GGT1: variants seen among roughly 807,000 people sequenced by gnomAD.
The protein encoded by GGT1 is glutathione hydrolase 1 proenzyme.
GGT1 carries 21 observed loss-of-function variants against 56.0 expected under a neutral mutation model. The ratio of observed to expected loss-of-function variants is 0.38; its 90% CI spans 0.27 to 0.54. The LOEUF is 0.54. GGT1 is among the 20% of genes least tolerant of loss of function. The pLI is 0.82. For missense variants in GGT1, 466 were observed against 787.0 expected (o/e 0.59, Z 4.88); for synonymous variants, 238 against 342.6 (o/e 0.69, Z 3.37).
chr22:24,591,248 T>C (rs1021675995), upstream of GGT1, among the ~76,000 whole-genome samples: 1 of 152,180 alleles, frequency 6.6e-6, no homozygotes, highest in African/African-American at 2.4e-5. Flanking sequence ...CCCAGCTAAT[T>C]TTGTATTTTT....
In GGT1 at chr22:24,610,236, C is replaced by G. The variant is rs1404431542; in HGVS notation, c.-289-14C>G. ...TGGAAACAAATGTGTTACTGACAGC[C>G]TCTTTGCCTCCAGAGTTCAACTGGA... On this transcript the variant is annotated splice_polypyrimidine_tract_variant and intron_variant, in intron 3 of 15. Coordinates refer to ENST00000400382, the MANE Select transcript of GGT1 (RefSeq NM_001288833.2). 1.3e-5 allele frequency: 4 copies of G among 305,176 alleles called. No individual in the cohort carries two copies. The highest frequency in any genetic ancestry group is 9.2e-5 in the African/African-American group (4 of 43,290). 18.9% of individuals were successfully genotyped at this position (305,176 alleles called of 1,614,324 possible).
Position 24,620,618 on chromosome 22 carries a change from G to A in GGT1, c.575+98G>A, listed in dbSNP as rs1402477707. Reference sequence around the variant, plus strand: ...CAGTGGAGCAGCCCTCTGCCTTCAGGACCCTGTGCTGATAATGGGATGAGG... The same window carrying A: ...CAGTGGAGCAGCCCTCTGCCTTCAGAACCCTGTGCTGATAATGGGATGAGG... On this transcript the variant is annotated intron_variant, in intron 8 of 15. Transcript: ENST00000400382. The surrounding 1 kb of genome is among the most constrained non-coding windows in gnomAD (Gnocchi z 5.6). 29 of 1,584,338 alleles carry A rather than the reference G, an allele frequency of 1.8e-5. No individual in the cohort carries two copies. Among genetic ancestry groups the A allele is most frequent in the Non-Finnish European group, 2.4e-5 (28 of 1,166,206 alleles).
At position 24,626,225 on chromosome 22, in the gene GGT1, G is replaced by A. The variant is rs890654904; in HGVS notation, c.1021-1207G>A. On this transcript the variant is annotated intron_variant, in intron 11 of 15. Coordinates refer to ENST00000400382, the MANE Select transcript of GGT1 (RefSeq NM_001288833.2). ...GCCAGGATGGTCTCGATCTCCTGAC[G>A]TCGTGATCCGCCCTCCCAAAGTGCT... Among the ~76,000 whole-genome samples the A allele has an allele frequency of 5.6e-4, 83 of 148,188 alleles. 2 individuals are homozygous for A. The highest frequency in any genetic ancestry group is 2.0e-3 in the African/African-American group (79 of 38,548).
At chr22:24,624,375 T>C in intron 11 of GGT1, 1 of 985,414 alleles carries the variant, frequency 1.0e-6, no homozygotes, top group Non-Finnish European at 1.2e-6. Context: ...AGCTCCACAC[T>C]GGGTCCCTAT....
intron 1 of GGT1, among the ~76,000 whole-genome samples, chr22:24,606,182 C>T (rs1421377530): frequency 2.8e-5 from 4 of 143,576 alleles, no homozygotes; most frequent in African/African-American, 1.0e-4. Context: ...TACATGTGCA[C>T]AACGTACAGG....
chr22:24,601,608 C>T (rs1290934434), upstream of GGT1, among the ~76,000 whole-genome samples: 2 of 152,232 alleles, frequency 1.3e-5, no homozygotes, highest in Non-Finnish European at 1.5e-5. Flanking sequence ...TTGGAGGCCA[C>T]AGTGGGCCCA....
At position 24,628,073 on chromosome 22, in the gene GGT1, G is replaced by A. The variant is rs74279113; in HGVS notation, c.1337-8G>A. On this transcript the variant is annotated splice_polypyrimidine_tract_variant and splice_region_variant and intron_variant, in intron 13 of 15. Coordinates refer to ENST00000400382, the MANE Select transcript of GGT1 (RefSeq NM_001288833.2). The surrounding 1 kb of genome is among the most constrained non-coding windows in gnomAD (Gnocchi z 5.7). ...ACGGGCATCCCTGTCTTCTCCCATCGGCCGCAGGGAAGCAGCCGCTCTCGT... is the reference window on the plus strand; with the variant it reads ...ACGGGCATCCCTGTCTTCTCCCATCAGCCGCAGGGAAGCAGCCGCTCTCGT... 27 of 1,611,676 alleles carry A rather than the reference G, an allele frequency of 1.7e-5. No homozygotes were observed. The highest frequency in any genetic ancestry group is 2.2e-5 in the Non-Finnish European group (26 of 1,179,826).
intron 1 of GGT1, among the ~76,000 whole-genome samples, chr22:24,606,221 T>G (rs1412385464): frequency 2.0e-5 from 3 of 148,764 alleles, no homozygotes; most frequent in Non-Finnish European, 4.4e-5. Flanking sequence ...ATGTGCCATG[T>G]TGGTGTGCTG....
intron 11 of GGT1, 177 bp from the exon 12 acceptor site, chr22:24,627,255 A>G: frequency 4.6e-6 from 6 of 1,294,548 alleles, no homozygotes; most frequent in Non-Finnish European, 5.2e-6. Flanking sequence ...CGACAGAGAC[A>G]GGGAGTCAGA....
At chr22:24,586,497 C>T in the GGT1 span, 2 of 1,360,286 alleles carry the variant, frequency 1.5e-6, no homozygotes, top group East Asian at 2.3e-5. Flanking sequence ...GGGAACAGCC[C>T]AGGCCTACAG....
chr22:24,591,825 C>A (rs753488894), upstream of GGT1, among the ~76,000 whole-genome samples: 2 of 152,212 alleles, frequency 1.3e-5, no homozygotes, highest in Non-Finnish European at 2.9e-5. Context: ...CCAGACAGGG[C>A]CCCAGACCGC....
the GGT1 span, chr22:24,589,283 C>T: frequency 8.1e-7 from 1 of 1,240,514 alleles, no homozygotes. Context: ...GTGGAGGCTG[C>T]AGGTGGCAAA....
At chr22:24,619,586 A>G (rs1366377489) in intron 7 of GGT1, among the ~76,000 whole-genome samples, 2 of 151,578 alleles carry the variant, frequency 1.3e-5, no homozygotes, top group Non-Finnish European at 2.9e-5. Context: ...ACAAACAAAC[A>G]AAAACCCTTA....
At position 24,595,053 on chromosome 22, in the gene GGT1, T is replaced by C. The variant is rs148012788; in HGVS notation, c.-324+167T>C. ...GGGGAGAAAGGAGGGAATGGAGGGC[T>C]GAGCCTGGAGGCATGAAAGGGGCAA... is the stretch of plus-strand genomic sequence containing the variant. On this transcript the variant is annotated intron_variant, in intron 1 of 6. Transcript: ENST00000411974. Among the ~76,000 whole-genome samples the C allele has an allele frequency of 1.0e-3, 155 of 152,222 alleles. No homozygotes were observed. In the Middle Eastern group the frequency reaches 0.014, roughly 13 times the overall value.
the GGT1 span, chr22:24,585,632 G>A: frequency 1.8e-6 from 1 of 543,526 alleles, no homozygotes; most frequent in African/African-American, 1.9e-5. Context: ...CAGAAAAGCA[G>A]AGGCGGGTGT....
chr22:24,614,631 AG>A (rs1452422640), intron 5 of GGT1, 144 bp from the exon 6 acceptor site: 41 of 682,576 alleles, frequency 6.0e-5, no homozygotes, highest in Admixed American at 8.7e-5. Context: ...AAAAAAAAAA[AG>A]AAAGAAAGAA....
the GGT1 span, among the ~76,000 whole-genome samples, chr22:24,585,415 C>A: frequency 6.6e-6 from 1 of 152,304 alleles, no homozygotes; most frequent in Admixed American, 6.5e-5. Flanking sequence ...ATGTGAGGGC[C>A]CGCTCCCTGG....
At position 24,627,438 on chromosome 22, in the gene GGT1, C is replaced by G; in HGVS notation, c.1027C>G (p.Arg343Gly). Residue 343 changes from arginine (R) to glycine (G), a missense_variant, in exon 12 of 16, where the codon CGC (arginine) becomes GGC (glycine). Around this residue, in one of 2 missense-constraint regions of GGT1, gnomAD observed 456 missense variants for 716.7 expected, o/e 0.64. Coordinates refer to ENST00000400382, the MANE Select transcript of GGT1 (RefSeq NM_001288833.2). ...AGCTCTGGGGTCTCGGCAGGTGGTCCGCAACATGACCTCCGAGTTCTTCGC... is the reference window on the plus strand; with the variant it reads ...AGCTCTGGGGTCTCGGCAGGTGGTCGGCAACATGACCTCCGAGTTCTTCGC... ...PKFVDVTEVV[R>G]NMTSEFFAAQ... is the part of the protein sequence containing the mutation. 7.0e-7 allele frequency: 1 copy of G among 1,426,084 alleles called. No homozygotes were observed. The highest frequency in any genetic ancestry group is 9.4e-7 in the Non-Finnish European group (1 of 1,062,852). 88.3% of individuals were successfully genotyped at this position (1,426,084 alleles called of 1,614,324 possible). A position where few individuals can be genotyped will look rare whatever the true frequency, so the allele number is the denominator to read the frequency against.
chr22:24,592,902 C>A, upstream of GGT1: 1 of 1,280,242 alleles, frequency 7.8e-7, no homozygotes, highest in Non-Finnish European at 9.9e-7. Context: ...CGCGCTCCGG[C>A]CGCCGCTCGC....
Sources: gnomAD v4.1 joint callset for allele counts (sites outside exome capture counted in the v4.1 genomes callset) on GRCh38, gnomAD v4.1.1 for gene constraint, gnomAD v4.1.1 regional missense constraint, Gnocchi (gnomAD v3.1) non-coding constraint, MANE v1.5 for transcripts, NCBI Gene and HGNC (gene_info 2026-07-23, HGNC 2026-07-21) for gene names.